GLYATL1B: variants seen among roughly 807,000 people sequenced by gnomAD.
The protein encoded by GLYATL1B is glycine-N-acyltransferase like 1B, also known as putative glycine N-acyltransferase-like protein 1B.
In GLYATL1B, 6 loss-of-function variants were observed where a neutral mutation model predicts 5.5. The observed-to-expected ratio is 1.09, with a 90% CI of 0.60 to 2.15. The LOEUF (loss-of-function observed/expected upper bound fraction) is 2.15. GLYATL1B is among the 30% of genes most tolerant of loss of function. GLYATL1B has a pLI of 0.00. For missense variants in GLYATL1B, 135 were observed against 94.1 expected, an observed-to-expected ratio of 1.43 and a Z score of -1.80; for synonymous variants, 67 against 34.9, an observed-to-expected ratio of 1.92 and a Z score of -3.24.
Position 59,091,641 on chromosome 11 carries a change from A to G in GLYATL1B, c.187-1888A>G, listed in dbSNP as rs543770805. 2.5e-4 allele frequency among the ~76,000 whole-genome samples: 38 copies of G among 152,338 alleles called. No homozygotes were observed. In the South Asian group the frequency reaches 3.9e-3, roughly 16 times the overall value. On this transcript the variant is annotated intron_variant, in intron 2 of 4. Transcript: ENST00000527482. Reference sequence around the variant, plus strand: ...TTTGCTTAGGATTATTACACTGTGGAAAGTAGTCTGGAAATTTCTTAGAGA... The same window carrying G: ...TTTGCTTAGGATTATTACACTGTGGGAAGTAGTCTGGAAATTTCTTAGAGA...
In GLYATL1B at chr11:59,094,535, T is replaced by A; in HGVS notation, c.658T>A (p.Trp220Arg). 2 of 741,494 alleles carry A rather than the reference T, an allele frequency of 2.7e-6. No homozygotes were observed. Among genetic ancestry groups the A allele is most frequent in the Admixed American group, 5.3e-5 (2 of 38,072 alleles). 45.9% of individuals were successfully genotyped at this position (741,494 alleles called of 1,614,324 possible). A position where few individuals can be genotyped will look rare whatever the true frequency, so the allele number is the denominator to read the frequency against. The change falls in exon 5 of 5, where the codon TGG (tryptophan) becomes AGG (arginine). Residue 220 changes from tryptophan (W) to arginine (R), a missense_variant. By Grantham distance (101) the Trp-to-Arg change is moderately radical (BLOSUM62 -3). Coordinates refer to ENST00000527482, the MANE Select transcript of GLYATL1B (RefSeq NM_001355566.1). ...GGGCCCAGAGGGGGTCCCGGTCTCA[T>A]GGGTAACCATGGACCCTTCTTGTGA... ...MLGPEGVPVS[W>R]VTMDPSCEIG...
In GLYATL1B at chr11:59,086,332, G is replaced by A. The variant is rs529483; in HGVS notation, c.26G>A (p.Arg9Gln). ...ATGATTCTATTGAATAATTCCGAGC[G>A]GCTGCTGGCCCTATTCAAATCTTTA... MILLNNSE[R>Q]LLALFKSLAR... Residue 9 changes from arginine (R) to glutamine (Q), a missense_variant, in exon 1 of 5, where the codon CGG becomes CAG. By Grantham distance (43) the Arg-to-Gln change is conservative. Transcript: ENST00000527482. The A allele has an allele frequency of 7.7e-4, 304 of 396,292 alleles. 1 individual carries two copies. The highest frequency in any genetic ancestry group is 1.2e-3 in the South Asian group (9 of 7,786). 24.5% of individuals were successfully genotyped at this position (396,292 alleles called of 1,614,324 possible). A position where few individuals can be genotyped will look rare whatever the true frequency, so the allele number is the denominator to read the frequency against.
intron 2 of GLYATL1B, among the ~76,000 whole-genome samples, chr11:59,091,235 G>C (rs1859301745): frequency 6.6e-6 from 1 of 151,958 alleles, no homozygotes; most frequent in South Asian, 2.1e-4. Context: ...TTTGGCATTA[G>C]GATATTTTCA....
intron 2 of GLYATL1B, among the ~76,000 whole-genome samples, chr11:59,088,421 T>A (rs1191684932): frequency 3.3e-5 from 5 of 152,116 alleles, no homozygotes; most frequent in African/African-American, 1.2e-4. Context: ...TTCAGGTGGG[T>A]ATAGACACTG....
At chr11:59,090,645 ATCT>A (rs1859288367) in intron 2 of GLYATL1B, among the ~76,000 whole-genome samples, 1 of 151,850 alleles carries the variant, frequency 6.6e-6, no homozygotes, top group Admixed American at 6.6e-5. Flanking sequence ...ATGCTTTAAA[ATCT>A]TCTTTGTTTG....
chr11:59,094,225 A>C (rs1291994199), intron 4 of GLYATL1B, 114 bp downstream of exon 4: 4 of 504,624 alleles, frequency 7.9e-6, no homozygotes, highest in Non-Finnish European at 1.1e-5. Context: ...GGGATGAATA[A>C]AGGTTGTCAG....
chr11:59,091,689 G>C (rs540640351), intron 2 of GLYATL1B, among the ~76,000 whole-genome samples: 1 of 152,238 alleles, frequency 6.6e-6, no homozygotes, highest in African/African-American at 2.4e-5. Context: ...GTTGCCATTC[G>C]ACCCAGCAAT....
intron 2 of GLYATL1B, among the ~76,000 whole-genome samples, chr11:59,087,783 G>A (rs539050319): frequency 3.5e-4 from 54 of 152,234 alleles, no homozygotes; most frequent in African/African-American, 1.3e-3. Flanking sequence ...AGAAGGTTGA[G>A]GCTGCAGTGA....
At chr11:59,093,367 T>C (rs1212492761) in intron 2 of GLYATL1B, among the ~76,000 whole-genome samples, 162 bp from the exon 3 acceptor site, 4 of 152,228 alleles carry the variant, frequency 2.6e-5, no homozygotes, top group Non-Finnish European at 5.9e-5. Context: ...AGGTCAGCAG[T>C]AGCTTATAGG....
chr11:59,086,968 CTG>C (rs1480916431), intron 1 of GLYATL1B, 94 bp from the exon 2 acceptor site: 1 of 464,348 alleles, frequency 2.2e-6, no homozygotes, highest in Non-Finnish European at 3.8e-6. Context: ...GGTCCCAGTA[CTG>C]TCTCTTGATC....
chr11:59,090,116 T>C (rs1305560143), intron 2 of GLYATL1B, among the ~76,000 whole-genome samples: 1 of 152,116 alleles, frequency 6.6e-6, no homozygotes, highest in Admixed American at 6.5e-5. Flanking sequence ...GTCTATTTTG[T>C]CATATAACTT....
In GLYATL1B at chr11:59,093,565, T is replaced by C. The variant is rs1859365733; in HGVS notation, c.223T>C (p.Tyr75His). The change falls in exon 3 of 5, where the codon TAT (tyrosine) becomes CAT (histidine). Residue 75 changes from tyrosine (Y) to histidine (H), a missense_variant. Tyr to His is a moderately conservative substitution (Grantham distance 83). Coordinates refer to ENST00000527482, the MANE Select transcript of GLYATL1B (RefSeq NM_001355566.1). ...TDDMDSYTNV[Y>H]RVFSKDPQKS... is the part of the protein sequence containing the mutation. ...TGACATGGATTCATACACTAATGTA[T>C]ATCGTGTATTCTCCAAAGACCCTCA... The C allele has an allele frequency of 6.2e-6, 3 of 483,548 alleles. No homozygotes were observed. The highest frequency in any genetic ancestry group is 6.3e-5 in the Admixed American group (2 of 31,720). 30.0% of individuals were successfully genotyped at this position (483,548 alleles called of 1,614,324 possible).
chr11:59,087,238 A>G lies in GLYATL1B; in HGVS notation c.186+67A>G, dbSNP rs1859209517. ...AAGGGCCTGAGGAACTGTCCAATTC[A>G]GACACCATGGCTGCTTTTATAGGGT... On this transcript the variant is annotated intron_variant, in intron 2 of 4. Transcript: ENST00000527482. 1.7e-5 allele frequency: 8 copies of G among 471,372 alleles called. No homozygotes were observed. In the East Asian group the frequency reaches 2.5e-4, roughly 15 times the overall value. The allele number at this position is 471,372 out of a possible 1,614,324, so 29.2% of individuals were successfully genotyped here. A position where few individuals can be genotyped will look rare whatever the true frequency, so the allele number is the denominator to read the frequency against.
At chr11:59,088,760 T>C (rs1391691270) in intron 2 of GLYATL1B, among the ~76,000 whole-genome samples, 2 of 152,100 alleles carry the variant, frequency 1.3e-5, no homozygotes, top group African/African-American at 4.8e-5. Context: ...ATGCCACACA[T>C]ATATGACCAA....
chr11:59,091,333 T>C (rs1354988452), intron 2 of GLYATL1B, among the ~76,000 whole-genome samples: 2 of 152,164 alleles, frequency 1.3e-5, no homozygotes, highest in Non-Finnish European at 2.9e-5. Flanking sequence ...TTTGGCTACT[T>C]TTTAGTTTGT....
Position 59,094,684 on chromosome 11 carries a change from AAATC to A in GLYATL1B, c.810_813del (p.Asn270LysfsTer10). 2.3e-6 allele frequency: 1 copy of A among 438,542 alleles called. No homozygotes were observed. The allele number at this position is 438,542 out of a possible 1,614,324, so 27.2% of individuals were successfully genotyped here. Reference sequence around the variant, plus strand: ...CATTTTACGGCTCTGTGCTGGAAGAAAATCAAGGCGTCATCAGAAAGACTAGTGC... The same window carrying A: ...CATTTTACGGCTCTGTGCTGGAAGAAAAGGCGTCATCAGAAAGACTAGTGC... On this transcript the variant is annotated frameshift_variant, in exon 5 of 5. Coordinates refer to ENST00000527482, the MANE Select transcript of GLYATL1B (RefSeq NM_001355566.1). LOFTEE classifies it low-confidence loss of function (END_TRUNC).
rs1006331219 is a variant in GLYATL1B at position 59,086,331 on chromosome 11, C to T, written c.25C>T (p.Arg9Trp). 4.0e-5 allele frequency: 16 copies of T among 398,884 alleles called. No individual in the cohort carries two copies. The highest frequency in any genetic ancestry group is 1.4e-4 in the East Asian group (4 of 28,078). 24.7% of individuals were successfully genotyped at this position (398,884 alleles called of 1,614,324 possible). A position where few individuals can be genotyped will look rare whatever the true frequency, so the allele number is the denominator to read the frequency against. The change falls in exon 1 of 5, where the codon CGG (arginine) becomes TGG (tryptophan). Residue 9 changes from arginine to tryptophan, a missense_variant. By Grantham distance (101) the Arg-to-Trp change is moderately radical (BLOSUM62 -3). Coordinates refer to ENST00000527482, the MANE Select transcript of GLYATL1B (RefSeq NM_001355566.1). ...AATGATTCTATTGAATAATTCCGAG[C>T]GGCTGCTGGCCCTATTCAAATCTTT... is the stretch of plus-strand genomic sequence containing the variant. Reference protein sequence around the residue: MILLNNSERLLALFKSLAR... With the variant: MILLNNSEWLLALFKSLAR...
At chr11:59,087,911 G>T (rs1045966829) in intron 2 of GLYATL1B, among the ~76,000 whole-genome samples, 1 of 152,182 alleles carries the variant, frequency 6.6e-6, no homozygotes, top group Non-Finnish European at 1.5e-5. Flanking sequence ...TGTGTCAACT[G>T]TGTGGAAGCA....
At chr11:59,088,860 T>G (rs989867216) in intron 2 of GLYATL1B, among the ~76,000 whole-genome samples, 27 of 152,344 alleles carry the variant, frequency 1.8e-4, no homozygotes, top group African/African-American at 5.8e-4. Context: ...CTTTCAGTAT[T>G]GAAAATCAAT....
Sources: allele counts gnomAD v4.1 joint callset (sites outside exome capture counted in the v4.1 genomes callset), GRCh38; gene constraint gnomAD v4.1.1; transcripts MANE v1.5; gene names NCBI Gene and HGNC (gene_info 2026-07-23, HGNC 2026-07-21).